The following SH3RF3 variants were observed in gnomAD, a reference collection of about 807,000 sequenced individuals.
SH3RF3 encodes E3 ubiquitin-protein ligase SH3RF3.
Under a neutral mutation model 66.3 loss-of-function variants are expected in SH3RF3, and 29 were observed. The observed-to-expected ratio is 0.44, with a 90% confidence interval of 0.33 to 0.60. SH3RF3 has a LOEUF of 0.60. Ranked by LOEUF, SH3RF3 falls within the 20% of genes least tolerant of loss-of-function variation. The pLI, the probability that SH3RF3 is intolerant of heterozygous loss-of-function variation, is 0.04. For synonymous variants in SH3RF3, 583 were observed against 532.0 expected, an observed-to-expected ratio of 1.10 and a Z score of -1.32; for missense variants, 1,194 against 1,190.9, an observed-to-expected ratio of 1.00 and a Z score of -0.04.
chr2:109,463,590 T>G (rs1678262943), intron 8 of SH3RF3, among the ~76,000 whole-genome samples: 1 of 152,156 alleles, frequency 6.6e-6, no homozygotes, highest in Admixed American at 6.5e-5. Flanking sequence ...AATTTCTGAT[T>G]ATTGTGCAAC....
At chr2:109,192,555 G>A (rs1558949845) in intron 1 of SH3RF3, among the ~76,000 whole-genome samples, 1 of 152,102 alleles carries the variant, frequency 6.6e-6, no homozygotes, top group Non-Finnish European at 1.5e-5. Context: ...GTGCCAGCGT[G>A]GTCCTCATGT....
At chr2:109,171,484 G>C (rs527997282) in intron 1 of SH3RF3, among the ~76,000 whole-genome samples, 4 of 152,146 alleles carry the variant, frequency 2.6e-5, no homozygotes, top group African/African-American at 9.7e-5. Flanking sequence ...CCCCTACCCC[G>C]ACCCCTCACT....
In SH3RF3 at chr2:109,501,560, A is replaced by G; in HGVS notation, c.2538A>G (p.Glu846=). 1 of 779,840 alleles carries G rather than the reference A, an allele frequency of 1.3e-6. No homozygotes were observed. Among genetic ancestry groups the G allele is most frequent in the South Asian group, 1.3e-5 (1 of 74,218 alleles). The allele number at this position is 779,840 out of a possible 1,614,324, so 48.3% of individuals were successfully genotyped here. A position where few individuals can be genotyped will look rare whatever the true frequency, so the allele number is the denominator to read the frequency against. The change falls in exon 10 of 10, where the codon GAA becomes GAG. Residue 846 remains glutamate, a synonymous_variant. Transcript: ENST00000309415. ...PQSEAEIELK[E]GDIVFVHKKR... ...GTGAGGCGGAGATCGAGCTGAAGGA[A>G]GGCGACATCGTCTTTGTGCACAAGA... is the stretch of plus-strand genomic sequence containing the variant.
At chr2:109,472,146 T>G (rs1281046578) in intron 8 of SH3RF3, among the ~76,000 whole-genome samples, 1 of 152,234 alleles carries the variant, frequency 6.6e-6, no homozygotes, top group Non-Finnish European at 1.5e-5. Flanking sequence ...CAACCACCTG[T>G]GACCTCATGG....
chr2:109,137,217 T>C (rs1315434419), intron 1 of SH3RF3, among the ~76,000 whole-genome samples: 1 of 152,248 alleles, frequency 6.6e-6, no homozygotes, highest in Admixed American at 6.5e-5. Context: ...TTAGTGAGTT[T>C]GCAGTGGGTT....
intron 2 of SH3RF3, among the ~76,000 whole-genome samples, chr2:109,349,338 G>C (rs1175784612): frequency 2.0e-5 from 3 of 152,128 alleles, no homozygotes; most frequent in Non-Finnish European, 4.4e-5. Flanking sequence ...TTTTATCAAG[G>C]TGTTCTGATG....
chr2:109,230,654 C>G (rs1679484827), intron 1 of SH3RF3, among the ~76,000 whole-genome samples: 1 of 152,178 alleles, frequency 6.6e-6, no homozygotes, highest in African/African-American at 2.4e-5. Flanking sequence ...GGGTTATGTC[C>G]TGATAAACCC....
rs1013803681 is a variant in SH3RF3 at position 109,376,205 on chromosome 2, G to T, written c.945+4524G>T. Among the ~76,000 whole-genome samples, 6 of 152,378 alleles carry T rather than the reference G, an allele frequency of 3.9e-5. No individual in the cohort carries two copies. The East Asian group carries it at 5.8e-4, about 15-fold the overall frequency. Reference sequence around the variant, plus strand: ...CCTGAGCACTGAACACATTTGGCCTGGTTAGCTGAATGGGTTTGAAGGCAG... The same window carrying T: ...CCTGAGCACTGAACACATTTGGCCTTGTTAGCTGAATGGGTTTGAAGGCAG... On this transcript the variant is annotated intron_variant, in intron 3 of 9. Transcript: ENST00000309415.
At chr2:109,410,533 C>T (rs761544379) in intron 4 of SH3RF3, among the ~76,000 whole-genome samples, 2 of 152,344 alleles carry the variant, frequency 1.3e-5, no homozygotes, top group East Asian at 1.9e-4. Flanking sequence ...CCCTGCCAGC[C>T]GACCTTGCAC....
At chr2:109,253,792 T>C (rs1467581642) in intron 1 of SH3RF3, among the ~76,000 whole-genome samples, 1 of 152,192 alleles carries the variant, frequency 6.6e-6, no homozygotes, top group African/African-American at 2.4e-5. Flanking sequence ...GATTGCTATA[T>C]AGGTTGACAC....
At chr2:109,298,421 T>G (rs1435368670) in intron 1 of SH3RF3, among the ~76,000 whole-genome samples, 1 of 152,050 alleles carries the variant, frequency 6.6e-6, no homozygotes, top group African/African-American at 2.4e-5. Context: ...GTTCCCATGG[T>G]CTGTGGGTCA....
At chr2:109,355,405 T>C (rs1682928827) in intron 2 of SH3RF3, among the ~76,000 whole-genome samples, 1 of 152,236 alleles carries the variant, frequency 6.6e-6, no homozygotes, top group African/African-American at 2.4e-5. Context: ...TAGGACTCTC[T>C]GACCAAATCC....
At chr2:109,226,142 C>T (rs1275774090) in intron 1 of SH3RF3, among the ~76,000 whole-genome samples, 1 of 152,198 alleles carries the variant, frequency 6.6e-6, no homozygotes, top group Non-Finnish European at 1.5e-5. Context: ...AGGAGGTTGT[C>T]CCCAAATAGC....
At chr2:109,164,124 C>T (rs1399002805) in intron 1 of SH3RF3, among the ~76,000 whole-genome samples, 1 of 152,042 alleles carries the variant, frequency 6.6e-6, no homozygotes. Flanking sequence ...TCTGTTAAAT[C>T]CTTAAGGAAT....
chr2:109,223,022 G>A (rs112714828), intron 1 of SH3RF3, among the ~76,000 whole-genome samples: 5 of 152,336 alleles, frequency 3.3e-5, no homozygotes, highest in African/African-American at 9.6e-5. Flanking sequence ...GGCACTGTCC[G>A]CCCCTGTGGC....
intron 2 of SH3RF3, among the ~76,000 whole-genome samples, chr2:109,363,607 C>A (rs1683096659): frequency 1.3e-5 from 2 of 152,156 alleles, no homozygotes; most frequent in African/African-American, 4.8e-5. Flanking sequence ...TATTTTTCTT[C>A]TCTCCAAAGA....
At chr2:109,372,828 C>T (rs757713062) in intron 3 of SH3RF3, among the ~76,000 whole-genome samples, 1 of 152,202 alleles carries the variant, frequency 6.6e-6, no homozygotes, top group Non-Finnish European at 1.5e-5. Flanking sequence ...GAGTTGGCAC[C>T]GAAAGCCCAC....
intron 1 of SH3RF3, among the ~76,000 whole-genome samples, chr2:109,237,592 A>AT (rs1275439625): frequency 6.6e-6 from 1 of 152,012 alleles, no homozygotes; most frequent in Non-Finnish European, 1.5e-5. Context: ...ACATTATGAG[A>AT]TTTTTGTGTG....
At chr2:109,196,870 A>G (rs1678514837) in intron 1 of SH3RF3, among the ~76,000 whole-genome samples, 1 of 152,162 alleles carries the variant, frequency 6.6e-6, no homozygotes, top group Non-Finnish European at 1.5e-5. Flanking sequence ...GTGGGCCTAG[A>G]TGGACTTCCT....
Sources: allele counts gnomAD v4.1 joint callset (sites outside exome capture counted in the v4.1 genomes callset), GRCh38; gene constraint gnomAD v4.1.1; transcripts MANE v1.5; gene names NCBI Gene and HGNC (gene_info 2026-07-23, HGNC 2026-07-21).